Variants in ADRA1B observed in about 807,000 individuals in gnomAD.
ADRA1B encodes the protein adrenoceptor alpha 1B.
Under a neutral mutation model 17.9 loss-of-function variants are expected in ADRA1B, and 17 were observed. The ratio of observed to expected loss-of-function variants is 0.95; its 90% CI spans 0.65 to 1.42. The LOEUF (loss-of-function observed/expected upper bound fraction) is 1.42, where lower values mean the gene tolerates loss of function less well. Ranked by LOEUF, ADRA1B falls within the 40% of genes most tolerant of loss-of-function variation. The pLI, the probability that ADRA1B is intolerant of heterozygous loss-of-function variation, is 0.00. For missense variants in ADRA1B, 681 were observed against 722.1 expected (o/e 0.94, Z 0.65); for synonymous variants, 366 against 327.6 (o/e 1.12, Z -1.27).
intron 1 of ADRA1B, chr5:159,948,535 A>G (rs1755338628): frequency 1.1e-6 from 1 of 931,014 alleles, no homozygotes; most frequent in African/African-American, 1.8e-5. Flanking sequence ...AGAAAATTTA[A>G]AAGAATCAGA....
intron 1 of ADRA1B, among the ~76,000 whole-genome samples, chr5:159,929,449 T>A (rs1341737568): frequency 6.6e-6 from 1 of 151,304 alleles, no homozygotes; most frequent in East Asian, 1.9e-4. Flanking sequence ...TTTTGGTTTT[T>A]GTATTTTTTT....
chr5:159,865,090 C>T (rs554997958), exon 1 of ADRA1B: 23 of 152,266 alleles, frequency 1.5e-4, no homozygotes, highest in African/African-American at 5.3e-4. Context: ...CTGGACATTC[C>T]TGGACATTGC....
At chr5:159,964,640 A>G (rs937494048) in intron 1 of ADRA1B, among the ~76,000 whole-genome samples, 1 of 152,242 alleles carries the variant, frequency 6.6e-6, no homozygotes, top group African/African-American at 2.4e-5. Flanking sequence ...GACCATGACG[A>G]CAGCTATGGA....
At chr5:159,868,643 T>G in intron 1 of ADRA1B, 1 of 152,210 alleles carries the variant, frequency 6.6e-6, no homozygotes. Flanking sequence ...CTGATCCCTA[T>G]GCAGTCTATG....
intron 1 of ADRA1B, among the ~76,000 whole-genome samples, chr5:159,942,729 A>G (rs1178447540): frequency 1.3e-5 from 2 of 152,224 alleles, no homozygotes; most frequent in East Asian, 3.8e-4. Flanking sequence ...TACATTTTTT[A>G]AATCCCAAAT....
intron 1 of ADRA1B, among the ~76,000 whole-genome samples, chr5:159,891,384 C>T (rs541814224): frequency 1.3e-5 from 2 of 152,282 alleles, no homozygotes; most frequent in South Asian, 2.1e-4. Context: ...CAATTTCCAC[C>T]TACTTCAATG....
chr5:159,919,635 C>T (rs1173007374), intron 1 of ADRA1B, among the ~76,000 whole-genome samples: 1 of 152,226 alleles, frequency 6.6e-6, no homozygotes, highest in East Asian at 1.9e-4. Context: ...TGTCTTTTCT[C>T]CTTCTCTACA....
chr5:159,951,527 A>G (rs199697415), intron 1 of ADRA1B: 1 of 638,992 alleles, frequency 1.6e-6, no homozygotes. Context: ...CTGGCAATGC[A>G]CGAGAAGATG....
At chr5:159,946,655 G>T (rs945881241) in intron 1 of ADRA1B, among the ~76,000 whole-genome samples, 1 of 152,176 alleles carries the variant, frequency 6.6e-6, no homozygotes, top group Non-Finnish European at 1.5e-5. Flanking sequence ...CAGCCACGAT[G>T]ATTTGAATTT....
intron 1 of ADRA1B, among the ~76,000 whole-genome samples, chr5:159,878,283 G>T (rs1753823310): frequency 6.6e-6 from 1 of 152,208 alleles, no homozygotes; most frequent in Non-Finnish European, 1.5e-5. Context: ...TGAGGGCTGA[G>T]CACAGGGTTT....
downstream of ADRA1B, among the ~76,000 whole-genome samples, chr5:159,973,012 T>TCGAA (rs1755916912): frequency 6.6e-6 from 1 of 152,236 alleles, no homozygotes. Flanking sequence ...TTTCTCCTGT[T>TCGAA]CGGCTTTGAG....
At chr5:159,968,687 C>T (rs1192679551) in intron 1 of ADRA1B, among the ~76,000 whole-genome samples, 1 of 152,208 alleles carries the variant, frequency 6.6e-6, no homozygotes, top group East Asian at 1.9e-4. Context: ...TATACACACT[C>T]ATCCCTGTGT....
chr5:159,879,955 C>G (rs1386516439), intron 1 of ADRA1B, among the ~76,000 whole-genome samples: 3 of 151,992 alleles, frequency 2.0e-5, no homozygotes, highest in Non-Finnish European at 4.4e-5. Context: ...GAGATCGCAC[C>G]ACTGCACTCC....
At position 159,872,806 on chromosome 5, in the gene ADRA1B, G is replaced by A. The variant is rs568774397; in HGVS notation, c.-256+7600G>A. Among the ~76,000 whole-genome samples, 10 of 152,186 alleles carry A rather than the reference G, an allele frequency of 6.6e-5. No homozygotes were observed. The South Asian group carries it at 1.0e-3, about 16-fold the overall frequency. On this transcript the variant is annotated intron_variant, in intron 1 of 2. Coordinates refer to the ADRA1B transcript ENST00000641205. ...AAATTCTGGGATACATGTGCAAAAC[G>A]TTCAGGTTTGTTACATAGGTATACA...
At chr5:159,888,882 G>A (rs1462670160) in intron 1 of ADRA1B, among the ~76,000 whole-genome samples, 6 of 152,106 alleles carry the variant, frequency 3.9e-5, no homozygotes, top group Non-Finnish European at 7.4e-5. Context: ...CCTGAACTTC[G>A]GCTTACATGA....
chr5:159,895,391 C>A (rs987443784), intron 1 of ADRA1B, among the ~76,000 whole-genome samples: 1 of 152,168 alleles, frequency 6.6e-6, no homozygotes, highest in Admixed American at 6.5e-5. Flanking sequence ...ACAAACAATG[C>A]CTCATTGAAG....
intron 1 of ADRA1B, among the ~76,000 whole-genome samples, chr5:159,923,461 C>T (rs572598008): frequency 6.6e-6 from 1 of 152,180 alleles, no homozygotes; most frequent in Non-Finnish European, 1.5e-5. Context: ...TTGGTGACGG[C>T]ATAAGAGAGT....
intron 1 of ADRA1B, among the ~76,000 whole-genome samples, chr5:159,932,074 G>T (rs897525554): frequency 2.0e-5 from 3 of 152,194 alleles, no homozygotes; most frequent in Non-Finnish European, 4.4e-5. Flanking sequence ...TTTTTTCACT[G>T]ATCAGCAAGT....
At chr5:159,895,848 G>A (rs1218347904) in intron 1 of ADRA1B, among the ~76,000 whole-genome samples, 1 of 152,240 alleles carries the variant, frequency 6.6e-6, no homozygotes, top group Non-Finnish European at 1.5e-5. Context: ...CAGGTGAGGT[G>A]GCTCATGCCT....
Sources: gnomAD v4.1 joint callset for allele counts (sites outside exome capture counted in the v4.1 genomes callset) on GRCh38, gnomAD v4.1.1 for gene constraint, MANE v1.5 for transcripts, NCBI Gene and HGNC (gene_info 2026-07-23, HGNC 2026-07-21) for gene names.